The following PRRG1 variants were observed in gnomAD, a reference collection of about 807,000 sequenced individuals.
PRRG1 encodes the protein transmembrane gamma-carboxyglutamic acid protein 1.
A neutral mutation model predicts 11.8 loss-of-function variants in PRRG1; 5 were observed. The observed-to-expected ratio is 0.42, with a 90% CI of 0.22 to 0.89. PRRG1 has a LOEUF of 0.89. Among genes scored for constraint, PRRG1 ranks in the 40% least tolerant of loss-of-function variants. The pLI, the probability that PRRG1 is intolerant of heterozygous loss-of-function variation, is 0.28. For synonymous variants in PRRG1, 66 were observed against 60.4 expected (o/e 1.09, Z -0.43); for missense variants, 155 against 166.1 (o/e 0.93, Z 0.37).
At chrX:37,441,113 A>G (rs2146628236) in intron 3 of PRRG1, 3 of 907,679 alleles carry the variant, frequency 3.3e-6, no homozygotes, top group South Asian at 6.1e-5. Flanking sequence ...TCTAGACAAA[A>G]CAGAACTAAA....
intron 1 of PRRG1, among the ~76,000 whole-genome samples, chrX:37,361,635 C>T (rs1308239555): frequency 9.0e-6 from 1 of 111,415 alleles, no homozygotes; most frequent in East Asian, 2.8e-4. Flanking sequence ...CTATTTCTTC[C>T]CTTCTTTCAA....
chrX:37,365,260 TG>T (rs1197647726), intron 1 of PRRG1, among the ~76,000 whole-genome samples: 1 of 110,702 alleles, frequency 9.0e-6, no homozygotes, highest in East Asian at 2.9e-4. Flanking sequence ...GGAGAAGGGG[TG>T]GTTGTCAGTC....
chrX:37,441,641 TCTA>T (rs2146629003), intron 3 of PRRG1: 1 of 801,266 alleles, frequency 1.2e-6, no homozygotes, highest in South Asian at 5.3e-5. Flanking sequence ...TCCATGGCCT[TCTA>T]CTTCGACCGG....
chrX:37,393,687 CTTTA>C (rs2146558773), intron 1 of PRRG1, among the ~76,000 whole-genome samples: 1 of 112,066 alleles, frequency 8.9e-6, no homozygotes, highest in South Asian at 3.7e-4. Context: ...CCTTAAGGTC[CTTTA>C]TTTATAGTTA....
At chrX:37,409,217 A>G (rs1932287726) in intron 2 of PRRG1, among the ~76,000 whole-genome samples, 2 of 112,205 alleles carry the variant, frequency 1.8e-5, no homozygotes, top group African/African-American at 3.2e-5. Flanking sequence ...TATTAAGAAA[A>G]TCATAAGAAA....
At chrX:37,438,430 CTTTTTTTTTTTT>C (rs782783420) in intron 3 of PRRG1, among the ~76,000 whole-genome samples, 5 of 69,008 alleles carry the variant, frequency 7.2e-5, no homozygotes, top group South Asian at 7.0e-4. Flanking sequence ...GAATTTTTTC[CTTTTTTTTTTTT>C]TTTTTTTTTT....
At chrX:37,408,140 TA>T (rs1479129278) in intron 2 of PRRG1, among the ~76,000 whole-genome samples, 1 of 111,981 alleles carries the variant, frequency 8.9e-6, no homozygotes, top group Non-Finnish European at 1.9e-5. Context: ...TGGAAGCTTC[TA>T]GAGTAGTGAT....
At chrX:37,435,598 C>G (rs5963073) in intron 3 of PRRG1, among the ~76,000 whole-genome samples, 28,397 of 110,082 alleles carry the variant, frequency 0.26, 5,931 homozygotes, top group African/African-American at 0.71. Context: ...ATACTGAGAA[C>G]AGACATCATT....
chrX:37,388,591 G>A (rs1556375795), intron 1 of PRRG1, among the ~76,000 whole-genome samples: 1 of 113,285 alleles, frequency 8.8e-6, no homozygotes, highest in Non-Finnish European at 1.9e-5. Flanking sequence ...GACTGAAGCT[G>A]GAGCAACTGC....
intron 3 of PRRG1, among the ~76,000 whole-genome samples, chrX:37,447,260 C>T (rs1225569520): frequency 1.8e-5 from 2 of 111,702 alleles, no homozygotes; most frequent in South Asian, 3.7e-4. Flanking sequence ...TAATGCTACC[C>T]GCATAGCTGG....
chrX:37,399,721 T>C (rs1451016592), intron 1 of PRRG1, among the ~76,000 whole-genome samples: 1 of 105,401 alleles, frequency 9.5e-6, no homozygotes, highest in Non-Finnish European at 1.9e-5. Context: ...ATCAGTGTGC[T>C]GTATTCAGGA....
chrX:37,393,000 C>G (rs1381892710), intron 1 of PRRG1, among the ~76,000 whole-genome samples: 1 of 111,567 alleles, frequency 9.0e-6, no homozygotes, highest in Non-Finnish European at 1.9e-5. Context: ...ATTTACATAT[C>G]TGTTGAATTG....
intron 2 of PRRG1, among the ~76,000 whole-genome samples, chrX:37,417,774 C>T (rs1556385615): frequency 2.7e-5 from 3 of 111,478 alleles, no homozygotes; most frequent in Non-Finnish European, 5.7e-5. Context: ...ATAATAGTAT[C>T]AAAATGACTT....
intron 3 of PRRG1, among the ~76,000 whole-genome samples, chrX:37,426,968 T>C (rs951358462): frequency 8.9e-6 from 1 of 111,981 alleles, no homozygotes; most frequent in Non-Finnish European, 1.9e-5. Context: ...TATATCTCAT[T>C]CTGGCCTATT....
At chrX:37,361,432 G>A (rs914100633) in intron 1 of PRRG1, among the ~76,000 whole-genome samples, 3 of 111,536 alleles carry the variant, frequency 2.7e-5, no homozygotes, top group Non-Finnish European at 5.6e-5. Flanking sequence ...TTCAAATACC[G>A]ATGATGAGTT....
At chrX:37,380,196 ATTC>A (rs1471756328) in intron 1 of PRRG1, among the ~76,000 whole-genome samples, 1 of 111,761 alleles carries the variant, frequency 8.9e-6, no homozygotes, top group Non-Finnish European at 1.9e-5. Context: ...AAATTTTAAG[ATTC>A]TTCTTGTAGT....
chrX:37,422,887 T>G (rs782610630), intron 2 of PRRG1, among the ~76,000 whole-genome samples: 76 of 111,775 alleles, frequency 6.8e-4, no homozygotes, highest in Admixed American at 9.5e-4. Context: ...GTACATACAA[T>G]TATATATATT....
At chrX:37,445,891 C>T (rs1183827847) in intron 3 of PRRG1, among the ~76,000 whole-genome samples, 4 of 112,302 alleles carry the variant, frequency 3.6e-5, no homozygotes, top group Admixed American at 9.4e-5. Context: ...ATTCATGCTG[C>T]AAAGGTAGAG....
intron 1 of PRRG1, among the ~76,000 whole-genome samples, chrX:37,371,294 C>G (rs1930753809): frequency 8.9e-6 from 1 of 112,173 alleles, no homozygotes; most frequent in Non-Finnish European, 1.9e-5. Flanking sequence ...TCAAGACACC[C>G]TGCCTGTGGA....
Sources: allele counts gnomAD v4.1 joint callset (sites outside exome capture counted in the v4.1 genomes callset), GRCh38; gene constraint gnomAD v4.1.1; transcripts MANE v1.5; gene names NCBI Gene and HGNC (gene_info 2026-07-23, HGNC 2026-07-21).